VPS13C: variants seen among roughly 807,000 people sequenced by gnomAD.
VPS13C encodes vacuolar protein sorting 13 homolog C.
Under a neutral mutation model 456.8 loss-of-function variants are expected in VPS13C, and 358 were observed. That is an observed-to-expected ratio of 0.78 (90% CI 0.72 to 0.86). VPS13C has a LOEUF of 0.86. Among genes scored for constraint, VPS13C ranks in the 40% least tolerant of loss-of-function variants. The pLI is 0.00. For synonymous variants in VPS13C, 1,578 were observed against 1,486.7 expected, an observed-to-expected ratio of 1.06 and a Z score of -1.41; for missense variants, 4,818 against 4,385.4, an observed-to-expected ratio of 1.10 and a Z score of -2.79.
intron 18 of VPS13C, among the ~76,000 whole-genome samples, chr15:61,985,547 G>C (rs190854449): frequency 6.6e-6 from 1 of 152,094 alleles, no homozygotes; most frequent in South Asian, 2.1e-4. Context: ...GTGAGCCACC[G>C]TACCCAGCCC....
At position 61,880,928 on chromosome 15, in the gene VPS13C, A is replaced by G; in HGVS notation, c.9803T>C (p.Met3268Thr). Residue 3268 changes from methionine to threonine, a missense_variant, in exon 72 of 85, where the codon ATG becomes ACG. By Grantham distance (81) the Met-to-Thr change is moderately conservative. Coordinates refer to ENST00000644861, the MANE Select transcript of VPS13C (RefSeq NM_020821.3). ...FKYFMVLIQE[M>T]ALKIDQGFLG... ...AAACCCTTGATCAATTTTTAAGGCC[A>G]TTTCCTGAATGAGGACCATAAAATA... 6.2e-7 allele frequency: 1 copy of G among 1,609,296 alleles called. No individual in the cohort carries two copies. The highest frequency in any genetic ancestry group is 8.5e-7 in the Non-Finnish European group (1 of 1,177,934).
intron 40 of VPS13C, 147 bp downstream of exon 40, chr15:61,950,798 C>T: frequency 1.7e-6 from 1 of 594,854 alleles, no homozygotes; most frequent in Non-Finnish European, 2.9e-6. Flanking sequence ...TGAAAGTATC[C>T]AGGATTTTCA....
Position 61,910,167 on chromosome 15 carries a change from GA to G in VPS13C, c.8844+9del. Reference sequence around the variant, plus strand: ...TAAAAATAAAAATAAAATAAAATATGAAAACTTACCAGATCTTCTAAGCTCA... The same window carrying G: ...TAAAAATAAAAATAAAATAAAATATGAAACTTACCAGATCTTCTAAGCTCA... On this transcript the variant is annotated intron_variant, in intron 64 of 84. Coordinates refer to ENST00000644861, the MANE Select transcript of VPS13C (RefSeq NM_020821.3). 7.7e-7 allele frequency: 1 copy of G among 1,304,334 alleles called. No homozygotes were observed. The highest frequency in any genetic ancestry group is 9.8e-7 in the Non-Finnish European group (1 of 1,017,742). The allele number at this position is 1,304,334 out of a possible 1,614,324, so 80.8% of individuals were successfully genotyped here. A position where few individuals can be genotyped will look rare whatever the true frequency, so the allele number is the denominator to read the frequency against.
intron 9 of VPS13C, 77 bp from the exon 10 acceptor site, chr15:62,014,069 C>T (rs1330731200): frequency 9.6e-7 from 1 of 1,036,756 alleles, no homozygotes; most frequent in African/African-American, 1.6e-5. Flanking sequence ...CATAATGTAA[C>T]AAAATAATTT....
intron 1 of VPS13C, among the ~76,000 whole-genome samples, chr15:62,052,198 G>A (rs1308143887): frequency 6.6e-6 from 1 of 152,094 alleles, no homozygotes; most frequent in Non-Finnish European, 1.5e-5. Context: ...GTGAAATAAA[G>A]AATGCTTTGT....
intron 6 of VPS13C, among the ~76,000 whole-genome samples, chr15:62,025,183 A>G (rs534269886): frequency 2.0e-5 from 3 of 152,226 alleles, no homozygotes; most frequent in African/African-American, 7.2e-5. Context: ...TGTTATATAT[A>G]TTTTAGAGAA....
chr15:62,042,419 T>C (rs955142646), intron 2 of VPS13C, among the ~76,000 whole-genome samples: 1 of 152,020 alleles, frequency 6.6e-6, no homozygotes, highest in Non-Finnish European at 1.5e-5. Context: ...AATAATTAAC[T>C]AAAATAATCA....
intron 43 of VPS13C, 65 bp downstream of exon 43, chr15:61,947,128 A>G (rs2044631827): frequency 9.3e-7 from 1 of 1,080,660 alleles, no homozygotes; most frequent in Non-Finnish European, 1.3e-6. Flanking sequence ...TCTAACAGGT[A>G]CAAGCTCATT....
chr15:62,004,936 T>C (rs2046779406), intron 15 of VPS13C, among the ~76,000 whole-genome samples: 2 of 152,160 alleles, frequency 1.3e-5, no homozygotes, highest in Admixed American at 1.3e-4. Context: ...GAGCTTTACT[T>C]CCAAGTATAT....
chr15:62,007,639 ATAGACT>A (rs2046898053), intron 14 of VPS13C, among the ~76,000 whole-genome samples, 160 bp from the exon 15 acceptor site: 2 of 152,216 alleles, frequency 1.3e-5, no homozygotes, highest in South Asian at 4.1e-4. Context: ...TCTGACTTAA[ATAGACT>A]TAGATATAAG....
intron 43 of VPS13C, 61 bp downstream of exon 43, chr15:61,947,132 G>A (rs2044631980): frequency 9.0e-7 from 1 of 1,111,736 alleles, no homozygotes; most frequent in Non-Finnish European, 1.3e-6. Context: ...ACAGGTACAA[G>A]CTCATTTTTC....
chr15:61,973,390 G>A (rs1300610129), intron 26 of VPS13C, 64 bp downstream of exon 26: 19 of 1,358,632 alleles, frequency 1.4e-5, no homozygotes, highest in Non-Finnish European at 2.0e-5. Flanking sequence ...TTCTGAAAAT[G>A]TTATCTCTGT....
rs1258049308 is a variant in VPS13C at position 61,875,735 on chromosome 15, G to A, written c.10335C>T (p.Phe3445=). The change falls in exon 76 of 85, where the codon TTC becomes TTT. Residue 3445 remains phenylalanine (F), a synonymous_variant. Coordinates refer to ENST00000644861, the MANE Select transcript of VPS13C (RefSeq NM_020821.3). ...AGAACAAATAAGAGGTCAATACCTGGAAGGGTTCATAGAATAAAGCTTCAA... is the reference window on the plus strand; with the variant it reads ...AGAACAAATAAGAGGTCAATACCTGAAAGGGTTCATAGAATAAAGCTTCAA... ...EGVEALFYEP[F]QGAVQGPEEF... 6.2e-7 allele frequency: 1 copy of A among 1,608,012 alleles called. No individual in the cohort carries two copies. Among genetic ancestry groups the A allele is most frequent in the East Asian group, 2.2e-5 (1 of 44,674 alleles).
chr15:61,988,054 G>A (rs1273706687), intron 18 of VPS13C, among the ~76,000 whole-genome samples: 2 of 152,084 alleles, frequency 1.3e-5, no homozygotes, highest in African/African-American at 4.8e-5. Flanking sequence ...CAATGAAAAG[G>A]AACAATCTAC....
At chr15:62,047,290 T>C (rs1401697201) in intron 1 of VPS13C, among the ~76,000 whole-genome samples, 1 of 151,824 alleles carries the variant, frequency 6.6e-6, no homozygotes, top group Non-Finnish European at 1.5e-5. Flanking sequence ...TAGCCGGGCA[T>C]GGGCATGGTG....
intron 66 of VPS13C, among the ~76,000 whole-genome samples, chr15:61,904,254 T>C (rs898647128): frequency 3.3e-5 from 5 of 149,842 alleles, no homozygotes; most frequent in African/African-American, 1.2e-4. Context: ...AACCAGAAAA[T>C]ATAAGGAACT....
intron 5 of VPS13C, among the ~76,000 whole-genome samples, chr15:62,029,162 T>C (rs1020301502): frequency 1.3e-5 from 2 of 152,090 alleles, no homozygotes; most frequent in African/African-American, 4.8e-5. Context: ...GAACAAATTA[T>C]TTAACTTTCA....
intron 81 of VPS13C, chr15:61,864,746 C>A: frequency 2.0e-6 from 2 of 985,456 alleles, no homozygotes; most frequent in Non-Finnish European, 2.4e-6. Context: ...GTGCAGATTT[C>A]ACAGCAATAG....
intron 66 of VPS13C, among the ~76,000 whole-genome samples, chr15:61,892,620 GAACCATGGCCTCCCCA>G (rs1051646549): frequency 6.4e-4 from 97 of 152,224 alleles, no homozygotes; most frequent in African/African-American, 2.3e-3. Flanking sequence ...AGCAAGCAGG[GAACCATGGCCTCCCCA>G]AACAGACAAA....
Sources: allele counts gnomAD v4.1 joint callset (sites outside exome capture counted in the v4.1 genomes callset), GRCh38; gene constraint gnomAD v4.1.1; transcripts MANE v1.5; gene names NCBI Gene and HGNC (gene_info 2026-07-23, HGNC 2026-07-21).